COL26A1: variants seen among roughly 807,000 people sequenced by gnomAD.
COL26A1 encodes the protein collagen type XXVI alpha 1 chain.
COL26A1 carries 41 observed loss-of-function variants against 59.3 expected under a neutral mutation model. The ratio of observed to expected loss-of-function variants is 0.69; its 90% CI spans 0.54 to 0.90. The LOEUF is 0.90. Among genes scored for constraint, COL26A1 ranks in the 40% least tolerant of loss-of-function variants. COL26A1 has a pLI of 0.00. For missense variants in COL26A1, 612 were observed against 602.3 expected (o/e 1.02, Z -0.17); for synonymous variants, 266 against 256.0 (o/e 1.04, Z -0.37).
chr7:101,551,238 T>TTTGGGGGGGGGCA, intron 10 of COL26A1, 95 bp downstream of exon 10: 1 of 491,354 alleles, frequency 2.0e-6, no homozygotes, highest in Non-Finnish European at 4.0e-6. Context: ...GGTGGGGGGG[T>TTTGGGGGGGGGCA]TCAGCCCTGG....
At chr7:101,363,673 G>A (rs1327075400) in intron 1 of COL26A1, among the ~76,000 whole-genome samples, 1 of 151,858 alleles carries the variant, frequency 6.6e-6, no homozygotes, top group Non-Finnish European at 1.5e-5. Context: ...GGCTGCGGTG[G>A]TCTCTGGCCG....
At chr7:101,489,582 A>G (rs1794338937) in intron 3 of COL26A1, among the ~76,000 whole-genome samples, 1 of 149,148 alleles carries the variant, frequency 6.7e-6, no homozygotes. Flanking sequence ...GCACCACCAC[A>G]CTCGGCTATT....
At chr7:101,545,180 A>G (rs567699909) in intron 6 of COL26A1, among the ~76,000 whole-genome samples, 158 bp from the exon 7 acceptor site, 2 of 152,136 alleles carry the variant, frequency 1.3e-5, no homozygotes, top group African/African-American at 4.8e-5. Flanking sequence ...ACACCCCAGG[A>G]CACCCCCAAG....
intron 3 of COL26A1, among the ~76,000 whole-genome samples, chr7:101,465,691 C>CAAAA (rs539721605): frequency 2.9e-5 from 3 of 102,640 alleles, no homozygotes; most frequent in East Asian, 3.6e-4. Context: ...GAAACTGTCT[C>CAAAA]AAAAAAAAAA....
At chr7:101,387,774 A>ATTTTTTTTTTTTTTTTTTTTTTT (rs1185449488) in intron 1 of COL26A1, among the ~76,000 whole-genome samples, 1 of 48,900 alleles carries the variant, frequency 2.0e-5, no homozygotes, top group Non-Finnish European at 4.1e-5. Flanking sequence ...ATATATATAT[A>ATTTTTTTTTTTTTTTTTTTTTTT]TATATTTTTT....
At chr7:101,404,442 CA>C (rs1382192541) in intron 1 of COL26A1, among the ~76,000 whole-genome samples, 9 of 152,008 alleles carry the variant, frequency 5.9e-5, no homozygotes, top group Admixed American at 1.3e-4. Flanking sequence ...CCTCCCCCCC[CA>C]AATGGCTTTG....
intron 3 of COL26A1, among the ~76,000 whole-genome samples, chr7:101,489,831 TTTC>T (rs1794397989): frequency 3.4e-4 from 5 of 14,860 alleles, no homozygotes; most frequent in East Asian, 3.0e-3. Flanking sequence ...TCTTTCTTTC[TTTC>T]TTTCTTTCTT....
intron 1 of COL26A1, among the ~76,000 whole-genome samples, chr7:101,409,786 A>G (rs1237790160): frequency 6.6e-6 from 1 of 151,836 alleles, no homozygotes; most frequent in African/African-American, 2.4e-5. Context: ...TTTGAGACGG[A>G]GTCTCGCTCT....
intron 3 of COL26A1, among the ~76,000 whole-genome samples, chr7:101,466,462 G>A (rs1179761888): frequency 6.6e-6 from 1 of 152,044 alleles, no homozygotes; most frequent in African/African-American, 2.4e-5. Flanking sequence ...AGCACTTTAG[G>A]AGGCCAAGGC....
intron 2 of COL26A1, among the ~76,000 whole-genome samples, chr7:101,433,949 C>T (rs976633480): frequency 1.7e-4 from 26 of 151,866 alleles, no homozygotes; most frequent in Admixed American, 7.9e-4. Context: ...TAAATGAATG[C>T]GTTCATCTTC....
chr7:101,534,807 C>T (rs1397544663), intron 4 of COL26A1, among the ~76,000 whole-genome samples: 1 of 151,502 alleles, frequency 6.6e-6, no homozygotes, highest in East Asian at 1.9e-4. Flanking sequence ...CCACCACCCG[C>T]CAGCTGGGTG....
intron 3 of COL26A1, among the ~76,000 whole-genome samples, chr7:101,501,590 C>T (rs950432243): frequency 1.3e-5 from 2 of 151,890 alleles, no homozygotes; most frequent in African/African-American, 4.8e-5. Flanking sequence ...CTTTTCAGCC[C>T]TTGTCACTCT....
chr7:101,381,664 G>A (rs879450367), intron 1 of COL26A1, among the ~76,000 whole-genome samples: 1 of 152,156 alleles, frequency 6.6e-6, no homozygotes, highest in Non-Finnish European at 1.5e-5. Context: ...TAATCTATTC[G>A]TGAGGGTGGA....
chr7:101,371,573 C>T (rs1791195108), intron 1 of COL26A1, among the ~76,000 whole-genome samples: 1 of 147,730 alleles, frequency 6.8e-6, no homozygotes, highest in South Asian at 2.2e-4. Context: ...ATCACTTGAG[C>T]CCAGGAGTTT....
chr7:101,403,566 C>T (rs1322001837), intron 1 of COL26A1, among the ~76,000 whole-genome samples: 2 of 152,006 alleles, frequency 1.3e-5, no homozygotes, highest in East Asian at 3.9e-4. Flanking sequence ...TTTGTAGAGA[C>T]CAGGTCTTGC....
intron 1 of COL26A1, among the ~76,000 whole-genome samples, chr7:101,377,704 G>C (rs147563727): frequency 6.6e-6 from 1 of 152,240 alleles, no homozygotes; most frequent in African/African-American, 2.4e-5. Context: ...TGGAATTACA[G>C]GTAGGAGCTA....
chr7:101,494,553 C>T (rs1794539640), intron 3 of COL26A1, among the ~76,000 whole-genome samples: 1 of 152,242 alleles, frequency 6.6e-6, no homozygotes, highest in African/African-American at 2.4e-5. Context: ...GATTTCTATC[C>T]TTGGACCCTG....
At chr7:101,550,893 A>G (rs2130679892) in intron 9 of COL26A1, among the ~76,000 whole-genome samples, 1 of 152,282 alleles carries the variant, frequency 6.6e-6, no homozygotes, top group East Asian at 1.9e-4. Context: ...GAGAAGACTG[A>G]GGGCTCAGCT....
intron 1 of COL26A1, among the ~76,000 whole-genome samples, chr7:101,383,287 T>A (rs926614542): frequency 1.5e-5 from 2 of 134,768 alleles, no homozygotes; most frequent in Non-Finnish European, 3.0e-5. Context: ...AAAAAATTAT[T>A]TTAATTTTTT....
Sources: allele counts gnomAD v4.1 joint callset (sites outside exome capture counted in the v4.1 genomes callset), GRCh38; gene constraint gnomAD v4.1.1; transcripts MANE v1.5; gene names NCBI Gene and HGNC (gene_info 2026-07-23, HGNC 2026-07-21).